The following SLC41A2 variants were observed in gnomAD, a reference collection of about 807,000 sequenced individuals.
SLC41A2 encodes the protein SLC41A1-like 1.
A neutral mutation model predicts 58.3 loss-of-function variants in SLC41A2; 32 were observed. That is an observed-to-expected ratio of 0.55 (90% confidence interval 0.41 to 0.74). The LOEUF (loss-of-function observed/expected upper bound fraction) is 0.74, where lower values mean the gene tolerates loss of function less well. Among genes scored for constraint, SLC41A2 ranks in the 30% least tolerant of loss-of-function variants. SLC41A2 has a pLI of 0.00. For missense variants in SLC41A2, 514 were observed against 680.6 expected (o/e 0.76, Z 2.72); for synonymous variants, 190 against 235.0 (o/e 0.81, Z 1.75).
At chr12:104,835,346 A>C (rs1368073414) in intron 10 of SLC41A2, among the ~76,000 whole-genome samples, 2 of 152,180 alleles carry the variant, frequency 1.3e-5, no homozygotes, top group Admixed American at 6.5e-5. Flanking sequence ...CTATAGAATA[A>C]ACTAAACTCT....
Position 104,804,261 on chromosome 12 carries a change from C to T in SLC41A2, c.*891G>A, listed in dbSNP as rs1400687196. 1 of 149,530 alleles carries T rather than the reference C, an allele frequency of 6.7e-6. No homozygotes were observed. The highest frequency in any genetic ancestry group is 2.5e-5 in the African/African-American group (1 of 40,802). 9.3% of individuals were successfully genotyped at this position (149,530 alleles called of 1,614,324 possible). ...GTTAATAGAATGTGTTTAAGAATAA[C>T]TCTATATTGCTGATATTCCAACAGC... On this transcript the variant is annotated 3_prime_UTR_variant, in exon 11 of 11. Transcript: ENST00000258538.
intron 3 of SLC41A2, among the ~76,000 whole-genome samples, chr12:104,899,276 T>C (rs2045445676): frequency 6.6e-6 from 1 of 152,182 alleles, no homozygotes. Flanking sequence ...CTGGGCCCAA[T>C]TAGAATCATT....
chr12:104,931,886 G>A (rs1248826629), intron 1 of SLC41A2: 1 of 152,186 alleles, frequency 6.6e-6, no homozygotes, highest in East Asian at 1.9e-4. Context: ...CTCCATTCCT[G>A]TTCTTCCCAA....
Position 104,803,331 on chromosome 12 carries a change from T to C in SLC41A2, c.*1821A>G, listed in dbSNP as rs2040763532. ...TTCTTTCTTTTATAAGAATGTTCAC[T>C]ATGTAACATTATAACTCTCCAAAGG... On this transcript the variant is annotated 3_prime_UTR_variant, in exon 11 of 11. Transcript: ENST00000258538. 6.6e-6 allele frequency: 1 copy of C among 152,182 alleles called. No homozygotes were observed. Among genetic ancestry groups the C allele is most frequent in the Admixed American group, 6.5e-5 (1 of 15,268 alleles). 9.4% of individuals were successfully genotyped at this position (152,182 alleles called of 1,614,324 possible). A position where few individuals can be genotyped will look rare whatever the true frequency, so the allele number is the denominator to read the frequency against.
At chr12:104,854,573 A>C (rs60153864) in intron 8 of SLC41A2, among the ~76,000 whole-genome samples, 2,399 of 148,466 alleles carry the variant, frequency 0.016, 54 homozygotes, top group African/African-American at 0.046. Flanking sequence ...AAAAAAACAA[A>C]AAAAAAAAAA....
chr12:104,940,236 TCCCGAC>T (rs2047450489), intron 1 of SLC41A2, among the ~76,000 whole-genome samples: 2 of 151,934 alleles, frequency 1.3e-5, no homozygotes, highest in African/African-American at 4.8e-5. Context: ...GGTCTTGAAC[TCCCGAC>T]CCCAGGTGAT....
At chr12:104,949,786 T>C (rs564815454) in intron 1 of SLC41A2, among the ~76,000 whole-genome samples, 24 of 152,122 alleles carry the variant, frequency 1.6e-4, no homozygotes, top group Admixed American at 4.6e-4. Flanking sequence ...TTTCTCCACG[T>C]TGGTCAGGCT....
intron 1 of SLC41A2, among the ~76,000 whole-genome samples, chr12:104,939,259 G>A (rs1046546621): frequency 1.3e-5 from 2 of 152,302 alleles, no homozygotes; most frequent in Admixed American, 1.3e-4. Context: ...GTGCAGTGTT[G>A]CAATCATAGC....
rs1050603890 is a variant in SLC41A2, at chr12:104,804,950, T to C, written c.*202A>G. ...CTATGTCAAATTATCATTTATTCTA[T>C]GAAAAGCAGCACGAATACTCTTCAT... is the stretch of plus-strand genomic sequence containing the variant. On this transcript the variant is annotated 3_prime_UTR_variant, in exon 11 of 11. Transcript: ENST00000258538. 1.6e-5 allele frequency: 7 copies of C among 429,920 alleles called. No homozygotes were observed. Among genetic ancestry groups the C allele is most frequent in the Admixed American group, 1.1e-4 (3 of 26,676 alleles). 26.6% of individuals were successfully genotyped at this position (429,920 alleles called of 1,614,324 possible). A position where few individuals can be genotyped will look rare whatever the true frequency, so the allele number is the denominator to read the frequency against.
At chr12:104,936,568 AG>A (rs1196614045) in intron 1 of SLC41A2, among the ~76,000 whole-genome samples, 2 of 152,224 alleles carry the variant, frequency 1.3e-5, no homozygotes, top group African/African-American at 2.4e-5. Context: ...TGGCAAGCAA[AG>A]AGAGAGCTTG....
Position 104,898,876 on chromosome 12 carries a change from A to G in SLC41A2, c.664-3531T>C, listed in dbSNP as rs1009627571. ...CATACAAATGGCAAATAAGCATTTG[A>G]AAAGATGCTCCACATCATATATCAG... On this transcript the variant is annotated intron_variant, in intron 3 of 10. Transcript: ENST00000258538. 7.9e-5 allele frequency among the ~76,000 whole-genome samples: 12 copies of G among 152,346 alleles called. No homozygotes were observed. In the East Asian group the frequency reaches 1.9e-3, roughly 24 times the overall value.
At chr12:104,808,139 T>C (rs1372716818) in intron 10 of SLC41A2, among the ~76,000 whole-genome samples, 5 of 152,328 alleles carry the variant, frequency 3.3e-5, no homozygotes, top group Admixed American at 2.6e-4. Flanking sequence ...ATCCCTGTCT[T>C]GTGCCAGTTT....
chr12:104,805,010 A>C lies in SLC41A2; in HGVS notation c.*142T>G. The C allele has an allele frequency of 1.6e-6, 1 of 626,112 alleles. No individual in the cohort carries two copies. Among genetic ancestry groups the C allele is most frequent in the Non-Finnish European group, 2.6e-6 (1 of 379,036 alleles). 38.8% of individuals were successfully genotyped at this position (626,112 alleles called of 1,614,324 possible). ...GACACAAATTCCTTAAAAAAAAATT[A>C]AGGCCATTTAATTGAATCAGGGCCA... On this transcript the variant is annotated 3_prime_UTR_variant, in exon 11 of 11. Transcript: ENST00000258538.
intron 6 of SLC41A2, among the ~76,000 whole-genome samples, chr12:104,881,410 G>C (rs929248488): frequency 6.6e-6 from 1 of 152,068 alleles, no homozygotes; most frequent in Non-Finnish European, 1.5e-5. Flanking sequence ...TGTGATGTTA[G>C]GATGTCAATT....
At chr12:104,839,093 G>A (rs1410541836) in intron 10 of SLC41A2, among the ~76,000 whole-genome samples, 1 of 152,128 alleles carries the variant, frequency 6.6e-6, no homozygotes, top group East Asian at 1.9e-4. Flanking sequence ...AATTTTAGTA[G>A]AGTTCTTAAT....
intron 6 of SLC41A2, among the ~76,000 whole-genome samples, chr12:104,876,921 T>A (rs1310611532): frequency 6.6e-6 from 1 of 152,170 alleles, no homozygotes; most frequent in African/African-American, 2.4e-5. Context: ...ATTTCCCCCT[T>A]CATATCTGTT....
chr12:104,827,043 G>A (rs1381854408), intron 10 of SLC41A2, among the ~76,000 whole-genome samples: 1 of 152,210 alleles, frequency 6.6e-6, no homozygotes, highest in East Asian at 1.9e-4. Flanking sequence ...GGCATATGTA[G>A]AACTAAGACC....
At position 104,895,595 on chromosome 12, in the gene SLC41A2, T is replaced by C. The variant is rs113041005; in HGVS notation, c.664-250A>G. Among the ~76,000 whole-genome samples the C allele has an allele frequency of 2.9e-3, 446 of 152,262 alleles. 3 individuals carry two copies. Among genetic ancestry groups the C allele is most frequent in the African/African-American group, 9.9e-3 (413 of 41,576 alleles). ...ACAAGAACTAGTGGACCCATTAGTA[T>C]TACCCACTTACTCACTGATGTTATC... On this transcript the variant is annotated intron_variant, in intron 3 of 10. Coordinates refer to ENST00000258538, the MANE Select transcript of SLC41A2 (RefSeq NM_001352171.3).
At chr12:104,898,102 A>G (rs926347909) in intron 3 of SLC41A2, among the ~76,000 whole-genome samples, 1 of 152,160 alleles carries the variant, frequency 6.6e-6, no homozygotes, top group African/African-American at 2.4e-5. Context: ...TATTTAAATT[A>G]TGTATATCTT....
Sources: allele counts gnomAD v4.1 joint callset (sites outside exome capture counted in the v4.1 genomes callset), GRCh38; gene constraint gnomAD v4.1.1; transcripts MANE v1.5; gene names NCBI Gene and HGNC (gene_info 2026-07-23, HGNC 2026-07-21).